The following LACTB2 variants were observed in gnomAD, a reference collection of about 807,000 sequenced individuals.
LACTB2 encodes lactamase beta 2.
Under a neutral mutation model 34.8 loss-of-function variants are expected in LACTB2, and 32 were observed. The ratio of observed to expected loss-of-function variants is 0.92; its 90% CI spans 0.69 to 1.24. The LOEUF is 1.24. Among genes scored for constraint, LACTB2 ranks in the 50% most tolerant of loss-of-function variants. The pLI, the probability that LACTB2 is intolerant of heterozygous loss-of-function variation, is 0.00. For missense variants in LACTB2, 320 were observed against 345.0 expected (o/e 0.93, Z 0.57); for synonymous variants, 120 against 117.5 (o/e 1.02, Z -0.14).
At position 70,640,966 on chromosome 8, in the gene LACTB2, G is replaced by C; in HGVS notation, c.677C>G (p.Thr226Arg). Residue 226 changes from threonine (T) to arginine (R), a missense_variant, in exon 5 of 7, where the codon ACA (threonine) becomes AGA (arginine). Transcript: ENST00000276590. ...TTTCTCAAAGTTCTCACGAAATAATGTAAGAATTTGCTGCTCTCGAATATT... is the reference window on the plus strand; with the variant it reads ...TTTCTCAAAGTTCTCACGAAATAATCTAAGAATTTGCTGCTCTCGAATATT... ...HRNIREQQIL[T>R]LFRENFEKSF... 4 of 1,609,272 alleles carry C rather than the reference G, an allele frequency of 2.5e-6. No homozygotes were observed. The highest frequency in any genetic ancestry group is 3.4e-6 in the Non-Finnish European group (4 of 1,178,510).
rs1280757787 is a variant in LACTB2, at chr8:70,661,719, A to ATGTTT, written c.286+10_286+14dup. 1 of 1,603,844 alleles carries ATGTTT rather than the reference A, an allele frequency of 6.2e-7. No individual in the cohort carries two copies. On this transcript the variant is annotated intron_variant, in intron 2 of 6. Transcript: ENST00000276590. ...CGGCTTTCCTCAATGAGCTTAATGA[A>ATGTTT]TGTTTTCTGTTTACCATTATTGATG...
intron 3 of LACTB2, among the ~76,000 whole-genome samples, chr8:70,648,685 T>C (rs942591243): frequency 6.6e-6 from 1 of 151,796 alleles, no homozygotes; most frequent in Non-Finnish European, 1.5e-5. Flanking sequence ...CAAGAAAAAT[T>C]TTTGGAACTG....
At position 70,660,936 on chromosome 8, in the gene LACTB2, C is replaced by T. The variant is rs575113562; in HGVS notation, c.286+798G>A. On this transcript the variant is annotated intron_variant, in intron 2 of 6. Coordinates refer to ENST00000276590, the MANE Select transcript of LACTB2 (RefSeq NM_016027.3). ...GGGACTGCAGGTGCACGCCACCATA[C>T]CCGGGAAATTTTTGTACTTTTTTTG... 8.8e-5 allele frequency: 40 copies of T among 456,070 alleles called. No homozygotes were observed. In the East Asian group the frequency reaches 2.6e-3, roughly 30 times the overall value. The allele number at this position is 456,070 out of a possible 1,614,324, so 28.3% of individuals were successfully genotyped here. A position where few individuals can be genotyped will look rare whatever the true frequency, so the allele number is the denominator to read the frequency against.
intron 3 of LACTB2, among the ~76,000 whole-genome samples, chr8:70,650,735 C>CAAAAAAAAAAAAAAAAAAAAA (rs61025700): frequency 1.3e-3 from 60 of 46,206 alleles, no homozygotes; most frequent in Admixed American, 1.8e-3. Context: ...GACTCCATCT[C>CAAAAAAAAAAAAAAAAAAAAA]AAAAAAAAAA....
intron 1 of LACTB2, among the ~76,000 whole-genome samples, chr8:70,664,478 T>C (rs965163818): frequency 1.3e-5 from 2 of 152,152 alleles, no homozygotes; most frequent in African/African-American, 4.8e-5. Context: ...ACCATACGAC[T>C]GTGGTAGTGG....
At chr8:70,665,082 T>G (rs1382441630) in intron 1 of LACTB2, among the ~76,000 whole-genome samples, 2 of 152,242 alleles carry the variant, frequency 1.3e-5, no homozygotes, top group African/African-American at 4.8e-5. Flanking sequence ...AGTTTCTCCC[T>G]TAGCAAACAG....
chr8:70,665,650 A>G lies in LACTB2; in HGVS notation c.122+3349T>C, dbSNP rs144515281. ...TTTCACTGAGCCCTTATAAAATCCA[A>G]TGAGGTAGGTACTACACAACCTTCA... On this transcript the variant is annotated intron_variant, in intron 1 of 6. Transcript: ENST00000276590. Among the ~76,000 whole-genome samples the G allele has an allele frequency of 2.0e-4, 30 of 152,268 alleles. No homozygotes were observed. In the East Asian group the frequency reaches 4.0e-3, roughly 21 times the overall value.
chr8:70,638,660 CTT>C, intron 5 of LACTB2, 31 bp from the exon 6 acceptor site: 1 of 1,103,520 alleles, frequency 9.1e-7, no homozygotes, highest in Non-Finnish European at 1.2e-6. Flanking sequence ...AAAAAAATTC[CTT>C]TTTTTTTAAA....
rs538136740 is a variant in LACTB2, at chr8:70,654,598, T to C, written c.413+3158A>G. 3 of 152,404 alleles carry C rather than the reference T, an allele frequency of 2.0e-5. No individual in the cohort carries two copies. In the South Asian group the frequency reaches 6.2e-4, roughly 32 times the overall value. The allele number at this position is 152,404 out of a possible 1,614,324, so 9.4% of individuals were successfully genotyped here. ...TTTTTAGAGATGGGTTTCTACTTTG[T>C]GGCCCAGGCTGGAGTACAGTGGCTA... is the stretch of plus-strand genomic sequence containing the variant. On this transcript the variant is annotated intron_variant, in intron 3 of 6. Transcript: ENST00000276590.
chr8:70,647,870 A>G (rs957752737), intron 3 of LACTB2, among the ~76,000 whole-genome samples: 4 of 152,216 alleles, frequency 2.6e-5, no homozygotes, highest in East Asian at 1.9e-4. Context: ...AAGTGCCCCA[A>G]TCTCACTAAG....
intron 3 of LACTB2, chr8:70,646,415 G>A (rs1018279922): frequency 7.9e-5 from 12 of 152,160 alleles, no homozygotes; most frequent in African/African-American, 2.9e-4. Flanking sequence ...CTCAAAAGAA[G>A]ACATTTATGC....
chr8:70,653,090 A>T lies in LACTB2; in HGVS notation c.413+4666T>A, dbSNP rs979058877. 1.4e-4 allele frequency among the ~76,000 whole-genome samples: 21 copies of T among 152,200 alleles called. 1 individual carries two copies. Among genetic ancestry groups the T allele is most frequent in the Non-Finnish European group, 2.2e-4 (15 of 68,038 alleles). ...CTTTGGTGTCATGGGCGAATTATAT[A>T]ACATGCTATTATATTTTCTTGCTCT... On this transcript the variant is annotated intron_variant, in intron 3 of 6. Coordinates refer to ENST00000276590, the MANE Select transcript of LACTB2 (RefSeq NM_016027.3).
At chr8:70,652,552 G>C (rs1259404714) in intron 3 of LACTB2, 1 of 152,122 alleles carries the variant, frequency 6.6e-6, no homozygotes, top group East Asian at 1.9e-4. Flanking sequence ...TCAGAGTACA[G>C]TAAAACAAAA....
intron 2 of LACTB2, 82 bp downstream of exon 2, chr8:70,661,652 G>A (rs1189188575): frequency 8.1e-7 from 1 of 1,228,846 alleles, no homozygotes; most frequent in African/African-American, 1.5e-5. Flanking sequence ...ATGGTTTATA[G>A]ACTACTTAGC....
intron 4 of LACTB2, among the ~76,000 whole-genome samples, chr8:70,643,399 T>C (rs562731791): frequency 9.2e-5 from 14 of 151,970 alleles, no homozygotes; most frequent in Admixed American, 3.9e-4. Flanking sequence ...ATTTTTGTAT[T>C]ATTAGTAGAG....
rs867731670 is a variant in LACTB2 at position 70,640,985 on chromosome 8, G to A, written c.658C>T (p.Arg220Ter). 16 of 1,608,820 alleles carry A rather than the reference G, an allele frequency of 9.9e-6. No individual in the cohort carries two copies. Among genetic ancestry groups the A allele is most frequent in the Non-Finnish European group, 1.4e-5 (16 of 1,178,408 alleles). ...AATAATGTAAGAATTTGCTGCTCTC[G>A]AATATTTCTGTGAGAAATGTATTGT... ...IQQYISHRNI[R>*]EQQILTLFRE... is the part of the protein sequence containing the mutation. The change falls in exon 5 of 7, where the codon CGA becomes TGA. Residue 220 changes from arginine (R) to a stop codon, truncating the protein, a stop_gained. Coordinates refer to ENST00000276590, the MANE Select transcript of LACTB2 (RefSeq NM_016027.3). LOFTEE classifies it high-confidence loss of function.
chr8:70,665,973 C>A (rs550090436), intron 1 of LACTB2, among the ~76,000 whole-genome samples: 31 of 152,286 alleles, frequency 2.0e-4, no homozygotes, highest in African/African-American at 7.5e-4. Context: ...ATGTACTAAG[C>A]ATCACAGTTA....
At chr8:70,660,346 C>G (rs72667707) in intron 2 of LACTB2, 3 of 297,280 alleles carry the variant, frequency 1.0e-5, no homozygotes, top group Non-Finnish European at 2.0e-5. Context: ...AAGGAAAAGT[C>G]AGACTGACAG....
intron 4 of LACTB2, among the ~76,000 whole-genome samples, chr8:70,642,036 A>G (rs1318487174): frequency 6.6e-6 from 1 of 152,186 alleles, no homozygotes; most frequent in African/African-American, 2.4e-5. Context: ...CCTGATGGCT[A>G]GAAGACTTTA....
Sources: gnomAD v4.1 joint callset for allele counts (sites outside exome capture counted in the v4.1 genomes callset) on GRCh38, gnomAD v4.1.1 for gene constraint, MANE v1.5 for transcripts, NCBI Gene and HGNC (gene_info 2026-07-23, HGNC 2026-07-21) for gene names.